The following CCDC171 variants were observed in gnomAD, a reference collection of about 807,000 sequenced individuals.
The protein encoded by CCDC171 is coiled-coil domain-containing protein 171.
CCDC171 carries 177 observed loss-of-function variants against 168.2 expected under a neutral mutation model. That is an observed-to-expected ratio of 1.05 (90% CI 0.93 to 1.19). The LOEUF (loss-of-function observed/expected upper bound fraction) is 1.19, where lower values mean the gene tolerates loss of function less well. Among genes scored for constraint, CCDC171 ranks in the 50% most tolerant of loss-of-function variants. The pLI, the probability that CCDC171 is intolerant of heterozygous loss-of-function variation, is 0.00. For synonymous variants in CCDC171, 687 were observed against 540.8 expected, an observed-to-expected ratio of 1.27 and a Z score of -3.75; for missense variants, 1,991 against 1,539.0, an observed-to-expected ratio of 1.29 and a Z score of -4.91.
At chr9:15,870,989 T>A (rs1000968073) in intron 23 of CCDC171, among the ~76,000 whole-genome samples, 19 of 151,526 alleles carry the variant, frequency 1.3e-4, no homozygotes, top group Admixed American at 4.6e-4. Context: ...CTGTTTTGAC[T>A]TTTTAGAAAG....
At chr9:15,786,532 T>C (rs768520392) in intron 21 of CCDC171, among the ~76,000 whole-genome samples, 8 of 152,210 alleles carry the variant, frequency 5.3e-5, no homozygotes, top group Non-Finnish European at 1.2e-4. Flanking sequence ...GTTTTTTACT[T>C]ACTTCAAACA....
intron 10 of CCDC171, among the ~76,000 whole-genome samples, chr9:15,694,216 C>G (rs1435928849): frequency 1.3e-5 from 2 of 152,112 alleles, no homozygotes; most frequent in Non-Finnish European, 2.9e-5. Context: ...GTCCTAGGCT[C>G]TTTTCATTTC....
chr9:16,074,708 A>C, the CCDC171 span, among the ~76,000 whole-genome samples: 7 of 152,352 alleles, frequency 4.6e-5, no homozygotes, highest in Admixed American at 3.3e-4. Flanking sequence ...TATTCCAGGC[A>C]GAAGAACAAC....
At chr9:16,103,764 C>A in the CCDC171 span, among the ~76,000 whole-genome samples, 55 of 152,312 alleles carry the variant, frequency 3.6e-4, 1 homozygote, top group African/African-American at 1.3e-3. Context: ...TCAGGATTAG[C>A]CCAGTGACCT....
intron 6 of CCDC171, among the ~76,000 whole-genome samples, chr9:15,602,632 C>CTTTTTTTTTTTTTCTTTTT (rs2042936144): frequency 3.2e-5 from 1 of 31,000 alleles, no homozygotes; most frequent in African/African-American, 9.7e-5. Flanking sequence ...TTTCTCATTT[C>CTTTTTTTTTTTTTCTTTTT]TTTTTTTTTT....
At chr9:15,754,750 C>T (rs377601837) in intron 18 of CCDC171, among the ~76,000 whole-genome samples, 6 of 152,138 alleles carry the variant, frequency 3.9e-5, no homozygotes, top group African/African-American at 1.4e-4. Flanking sequence ...AGTAGTTTTA[C>T]CTATCTCATA....
intron 25 of CCDC171, among the ~76,000 whole-genome samples, chr9:15,970,831 A>G (rs1365077951): frequency 6.6e-6 from 1 of 152,210 alleles, no homozygotes; most frequent in Non-Finnish European, 1.5e-5. Flanking sequence ...ATAAAGATGG[A>G]AACAATAGAG....
rs1339137085 is a variant in CCDC171 at position 15,874,601 on chromosome 9, C to T, written c.3538C>T (p.Leu1180=). ...TGACTTCACCCTACAGCTACCCAAACTGCACCTGGAGACCTTTGCAATGGA... is the reference window on the plus strand; with the variant it reads ...TGACTTCACCCTACAGCTACCCAAATTGCACCTGGAGACCTTTGCAATGGA... ...RNDFTLQLPK[L]HLETFAMEGL... is the part of the protein sequence containing the mutation. Residue 1180 remains leucine (L), a synonymous_variant, in exon 24 of 26, where the codon CTG becomes TTG. Transcript: ENST00000380701. 1 of 1,607,314 alleles carries T rather than the reference C, an allele frequency of 6.2e-7. No homozygotes were observed. Among genetic ancestry groups the T allele is most frequent in the South Asian group, 1.1e-5 (1 of 89,738 alleles).
At chr9:15,714,227 G>A (rs1035374509) in intron 11 of CCDC171, among the ~76,000 whole-genome samples, 2 of 152,204 alleles carry the variant, frequency 1.3e-5, no homozygotes, top group Middle Eastern at 3.4e-3. Flanking sequence ...CAGGAGTGTG[G>A]CATTACTTTC....
chr9:15,688,108 G>C (rs1294857246), intron 10 of CCDC171, among the ~76,000 whole-genome samples: 1 of 99,146 alleles, frequency 1.0e-5, no homozygotes, highest in African/African-American at 4.2e-5. Flanking sequence ...AACAGAGCAA[G>C]ACTCCATCTC....
intron 18 of CCDC171, among the ~76,000 whole-genome samples, chr9:15,763,928 C>T (rs1416361296): frequency 6.6e-6 from 1 of 151,992 alleles, no homozygotes; most frequent in Admixed American, 6.6e-5. Flanking sequence ...CGAGTAGGTA[C>T]TCAAAGGCTT....
intron 5 of CCDC171, 115 bp from the exon 6 acceptor site, chr9:15,593,926 A>T (rs997106692): frequency 1.5e-6 from 1 of 652,160 alleles, no homozygotes. Context: ...AACATGAATT[A>T]TGATGAGTTT....
intron 9 of CCDC171, among the ~76,000 whole-genome samples, chr9:15,672,987 G>A (rs760635021): frequency 6.6e-6 from 1 of 152,198 alleles, no homozygotes; most frequent in East Asian, 1.9e-4. Flanking sequence ...CTATCCATGA[G>A]CATGTGATAT....
At chr9:16,031,189 C>T (rs1833359520) in intron 6 of CCDC171, among the ~76,000 whole-genome samples, 1 of 152,158 alleles carries the variant, frequency 6.6e-6, no homozygotes, top group Non-Finnish European at 1.5e-5. Context: ...ATAGGTTTTT[C>T]AGCCTGCATT....
rs2053921620 is a variant in CCDC171, at chr9:15,727,978, C to T, written c.1802C>T (p.Ala601Val). 6.2e-7 allele frequency: 1 copy of T among 1,613,036 alleles called. No individual in the cohort carries two copies. ...AAATTCTCTTGGTCTGAGCTTTGTGCAGTCTTACAGGAGAATGTTGATGCC... is the reference window on the plus strand; with the variant it reads ...AAATTCTCTTGGTCTGAGCTTTGTGTAGTCTTACAGGAGAATGTTGATGCC... ...LDKFSWSELCAVLQENVDALI... is the reference protein window; with the variant it reads ...LDKFSWSELCVVLQENVDALI... The change falls in exon 15 of 26, where the codon GCA (alanine) becomes GTA (valine). Residue 601 changes from alanine to valine, a missense_variant. Physicochemically the swap from Ala to Val is moderately conservative, Grantham distance 64. Coordinates refer to ENST00000380701, the MANE Select transcript of CCDC171 (RefSeq NM_173550.4).
chr9:15,616,398 A>G (rs976260967), intron 6 of CCDC171, among the ~76,000 whole-genome samples: 3 of 152,086 alleles, frequency 2.0e-5, no homozygotes, highest in Non-Finnish European at 4.4e-5. Context: ...ATTTTCTTTT[A>G]TAAATAAATC....
At chr9:15,557,022 G>C (rs13286425) in intron 1 of CCDC171, among the ~76,000 whole-genome samples, 2 of 152,002 alleles carry the variant, frequency 1.3e-5, no homozygotes. Context: ...GCTTGTTTTT[G>C]TCAGGTTTGT....
At chr9:15,874,143 A>T (rs189536294) in intron 23 of CCDC171, among the ~76,000 whole-genome samples, 3 of 152,244 alleles carry the variant, frequency 2.0e-5, no homozygotes, top group Admixed American at 1.3e-4. Context: ...ATCAGTTCAT[A>T]TCAGTTAAAC....
chr9:15,950,384 G>A (rs1400901499), intron 25 of CCDC171, among the ~76,000 whole-genome samples: 1 of 152,032 alleles, frequency 6.6e-6, no homozygotes, highest in Non-Finnish European at 1.5e-5. Context: ...GAAAGGTCGG[G>A]TTACCCACAA....
Sources: allele counts gnomAD v4.1 joint callset (sites outside exome capture counted in the v4.1 genomes callset), GRCh38; gene constraint gnomAD v4.1.1; transcripts MANE v1.5; gene names NCBI Gene and HGNC (gene_info 2026-07-23, HGNC 2026-07-21).